Variants in NRG1 observed in about 807,000 individuals in gnomAD.
NRG1 encodes neuregulin 1, also known as pro-neuregulin-1, membrane-bound isoform.
A neutral mutation model predicts 63.8 loss-of-function variants in NRG1; 18 were observed. The ratio of observed to expected loss-of-function variants is 0.28; its 90% confidence interval spans 0.19 to 0.42. The LOEUF (loss-of-function observed/expected upper bound fraction) is 0.42, where lower values mean the gene tolerates loss of function less well. Ranked by LOEUF, NRG1 falls within the 10% of genes least tolerant of loss-of-function variation. The pLI, the probability that NRG1 is intolerant of heterozygous loss-of-function variation, is 1.00. For synonymous variants in NRG1, 302 were observed against 301.3 expected (o/e 1.00, Z -0.02); for missense variants, 762 against 814.7 (o/e 0.94, Z 0.79).
intron 1 of NRG1, among the ~76,000 whole-genome samples, chr8:32,499,749 T>C (rs1158880730): frequency 6.6e-6 from 1 of 152,190 alleles, no homozygotes; most frequent in Non-Finnish European, 1.5e-5. Flanking sequence ...AGGGGCAGTC[T>C]CAGTCACGTG....
At chr8:31,862,312 A>G (rs748349951) in intron 1 of NRG1, among the ~76,000 whole-genome samples, 4 of 152,178 alleles carry the variant, frequency 2.6e-5, no homozygotes, top group Admixed American at 1.3e-4. Flanking sequence ...TAAATCTCCC[A>G]TGATTTATTT....
chr8:32,474,387 C>T (rs767096593), intron 1 of NRG1, among the ~76,000 whole-genome samples: 8 of 152,070 alleles, frequency 5.3e-5, no homozygotes, highest in East Asian at 1.9e-4. Flanking sequence ...CTCTCCCATG[C>T]GGTCTCTATT....
intron 1 of NRG1, among the ~76,000 whole-genome samples, chr8:32,027,047 C>T (rs1010409046): frequency 6.6e-6 from 1 of 152,012 alleles, no homozygotes; most frequent in African/African-American, 2.4e-5. Flanking sequence ...CCCCTTATAT[C>T]GGTACTCTCC....
chr8:31,639,566 C>A (rs770366564), intron 1 of NRG1: 42 of 1,436,946 alleles, frequency 2.9e-5, no homozygotes, highest in Non-Finnish European at 3.9e-5. Flanking sequence ...CAGCAGCCGC[C>A]GCAGCATCAC....
chr8:32,122,184 T>C (rs565794160), intron 1 of NRG1, among the ~76,000 whole-genome samples: 3 of 151,894 alleles, frequency 2.0e-5, no homozygotes, highest in Non-Finnish European at 2.9e-5. Flanking sequence ...CAAAAACAAA[T>C]ATAAATAGTT....
At chr8:31,860,241 A>T (rs1380615158) in intron 1 of NRG1, among the ~76,000 whole-genome samples, 1 of 152,194 alleles carries the variant, frequency 6.6e-6, no homozygotes, top group Non-Finnish European at 1.5e-5. Context: ...AGTTCCTTAA[A>T]TGCTATTGTA....
At chr8:32,760,768 T>C in intron 11 of NRG1, 1 of 1,022,250 alleles carries the variant, frequency 9.8e-7, no homozygotes, top group South Asian at 4.0e-5. Context: ...TAAGGACCCT[T>C]CTATAATTCC....
chr8:32,122,616 T>TTTA (rs576330252), intron 1 of NRG1, among the ~76,000 whole-genome samples: 2,805 of 150,642 alleles, frequency 0.019, 30 homozygotes, highest in Middle Eastern at 0.035. Context: ...TTAAGAACTT[T>TTTA]TTATTATTAT....
At chr8:32,064,308 G>A (rs1401909689) in intron 1 of NRG1, among the ~76,000 whole-genome samples, 1 of 152,146 alleles carries the variant, frequency 6.6e-6, no homozygotes, top group Non-Finnish European at 1.5e-5. Context: ...GTACAAGGAA[G>A]TGCTGCAATG....
chr8:31,733,518 A>G lies in NRG1; in HGVS notation c.37+94087A>G, dbSNP rs75465714. 3.9e-3 allele frequency among the ~76,000 whole-genome samples: 588 copies of G among 152,186 alleles called. 1 individual carries two copies. Among genetic ancestry groups the G allele is most frequent in the South Asian group, 0.019 (92 of 4,814 alleles). The stretch of plus-strand genomic sequence containing the variant: ...CAGAGGCTACAGTTTGGTGTAGTTC[A>G]CTGGATGTGCCTGTGGACACTGAAC... On this transcript the variant is annotated intron_variant, in intron 1 of 10. Coordinates refer to the NRG1 transcript ENST00000519301.
At chr8:32,045,451 G>C (rs1820849844) in intron 1 of NRG1, among the ~76,000 whole-genome samples, 1 of 151,882 alleles carries the variant, frequency 6.6e-6, no homozygotes, top group Non-Finnish European at 1.5e-5. Context: ...AATCACAGTA[G>C]AATATTTTGT....
At position 32,398,058 on chromosome 8, in the gene NRG1, C is replaced by T. The variant is rs1011584455; in HGVS notation, c.38-197770C>T. Among the ~76,000 whole-genome samples the T allele has an allele frequency of 3.9e-4, 59 of 152,152 alleles. 1 individual carries two copies. Among genetic ancestry groups the T allele is most frequent in the Non-Finnish European group, 5.1e-4 (35 of 68,038 alleles). On this transcript the variant is annotated intron_variant, in intron 1 of 10. Transcript: ENST00000519301. ...TCTGCTCTGCTCTAATATACACAAA[C>T]ACCTGATTCTGCAATGAGAATTAGT...
intron 1 of NRG1, among the ~76,000 whole-genome samples, chr8:31,793,311 T>C (rs1410873475): frequency 6.6e-6 from 1 of 152,208 alleles, no homozygotes; most frequent in African/African-American, 2.4e-5. Flanking sequence ...TAAACAGGAT[T>C]GGAAGTCCTT....
At chr8:32,510,578 T>G (rs1470649656) in intron 1 of NRG1, among the ~76,000 whole-genome samples, 1 of 152,092 alleles carries the variant, frequency 6.6e-6, no homozygotes, top group Non-Finnish European at 1.5e-5. Context: ...TTCCTGCCTG[T>G]TCTTTGGAGG....
chr8:32,005,926 T>C (rs1813698936), intron 1 of NRG1, among the ~76,000 whole-genome samples: 1 of 151,982 alleles, frequency 6.6e-6, no homozygotes, highest in African/African-American at 2.4e-5. Flanking sequence ...TCATTAGAAG[T>C]TTCTTTGTTC....
intron 1 of NRG1, among the ~76,000 whole-genome samples, chr8:31,922,133 C>G (rs536353073): frequency 6.6e-6 from 1 of 152,284 alleles, no homozygotes; most frequent in South Asian, 2.1e-4. Context: ...ACATCAGGAG[C>G]AAGTGAACTT....
At chr8:32,233,563 ATTTTTT>A (rs1554660617) in intron 1 of NRG1, among the ~76,000 whole-genome samples, 1,387 of 67,214 alleles carry the variant, frequency 0.021, 30 homozygotes, top group African/African-American at 0.1. Context: ...ATATATATAT[ATTTTTT>A]TTTTTTTTTC....
chr8:32,392,421 A>G (rs1371136415), intron 1 of NRG1, among the ~76,000 whole-genome samples: 1 of 152,220 alleles, frequency 6.6e-6, no homozygotes, highest in Admixed American at 6.5e-5. Flanking sequence ...GGAAGGCAGT[A>G]CTTTTTGAAT....
At chr8:32,367,481 C>G (rs528597926) in intron 1 of NRG1, among the ~76,000 whole-genome samples, 5 of 151,768 alleles carry the variant, frequency 3.3e-5, no homozygotes, top group South Asian at 4.2e-4. Context: ...CCTTTGCCCT[C>G]TTTTTAGTGC....
Sources: gnomAD v4.1 joint callset for allele counts (sites outside exome capture counted in the v4.1 genomes callset) on GRCh38, gnomAD v4.1.1 for gene constraint, MANE v1.5 for transcripts, NCBI Gene and HGNC (gene_info 2026-07-23, HGNC 2026-07-21) for gene names.